The following PCDHGA7 variants were observed in gnomAD, a reference collection of about 807,000 sequenced individuals.
PCDHGA7 encodes the protein protocadherin gamma-A7.
Under a neutral mutation model 58.3 loss-of-function variants are expected in PCDHGA7, and 44 were observed. The observed-to-expected ratio is 0.75, with a 90% CI of 0.59 to 0.97. PCDHGA7 has a LOEUF of 0.97. Ranked by LOEUF, PCDHGA7 falls within the 50% of genes least tolerant of loss-of-function variation. The pLI is 0.00. For synonymous variants in PCDHGA7, 516 were observed against 504.2 expected (o/e 1.02, Z -0.31); for missense variants, 1,266 against 1,188.7 (o/e 1.06, Z -0.96).
intron 1 of PCDHGA7, 129 bp downstream of exon 1, chr5:141,385,452 G>A: frequency 6.9e-7 from 1 of 1,446,532 alleles, no homozygotes; most frequent in Non-Finnish European, 9.1e-7. Context: ...GAGTTTACCA[G>A]TTTCCTTCAG....
chr5:141,425,576 G>A (rs2096883993), intron 1 of PCDHGA7, among the ~76,000 whole-genome samples: 1 of 152,166 alleles, frequency 6.6e-6, no homozygotes, highest in Non-Finnish European at 1.5e-5. Flanking sequence ...GAAGGGTTTG[G>A]CTAACTTTAT....
intron 1 of PCDHGA7, chr5:141,427,874 G>A: frequency 1.3e-6 from 2 of 1,560,274 alleles, no homozygotes; most frequent in South Asian, 2.2e-5. Flanking sequence ...AGCTCACGAT[G>A]CAGGCCCACG....
intron 1 of PCDHGA7, among the ~76,000 whole-genome samples, chr5:141,471,107 G>T (rs1023848236): frequency 1.3e-5 from 2 of 148,554 alleles, no homozygotes; most frequent in East Asian, 2.0e-4. Context: ...AGAGTGCAGT[G>T]GTGCGATCTT....
intron 1 of PCDHGA7, among the ~76,000 whole-genome samples, chr5:141,461,004 T>C (rs2099006736): frequency 6.6e-6 from 1 of 151,664 alleles, no homozygotes; most frequent in Non-Finnish European, 1.5e-5. Context: ...TATGTGTATA[T>C]ATATATACCA....
intron 1 of PCDHGA7, chr5:141,405,569 A>G: frequency 1.7e-6 from 1 of 604,184 alleles, no homozygotes. Context: ...GGACTAGAGT[A>G]GAGTAGCTGG....
chr5:141,407,371 T>C (rs2094921499), intron 1 of PCDHGA7, among the ~76,000 whole-genome samples: 1 of 152,222 alleles, frequency 6.6e-6, no homozygotes, highest in South Asian at 2.1e-4. Context: ...CAGATATCCA[T>C]GAAGGCTTGT....
In PCDHGA7 at chr5:141,489,537, C is replaced by T. The variant is rs2099688580; in HGVS notation, c.2425-5270C>T. 6.2e-6 allele frequency: 10 copies of T among 1,614,118 alleles called. No homozygotes were observed. Among genetic ancestry groups the T allele is most frequent in the Non-Finnish European group, 8.5e-6 (10 of 1,180,028 alleles). ...ACCGAGAAAGCCTATGTGGAGCCAG[C>T]ACCAGCTGCCTGCTGCCAGTGCAGG... On this transcript the variant is annotated intron_variant, in intron 1 of 3. Transcript: ENST00000518325. This position sits in a 1 kb window ranked among gnomAD's most constrained non-coding sequence, Gnocchi z 4.5.
At chr5:141,409,589 G>A (rs1487343349) in intron 1 of PCDHGA7, 12 of 1,613,758 alleles carry the variant, frequency 7.4e-6, no homozygotes, top group East Asian at 4.5e-5. Flanking sequence ...CCACGTGGCC[G>A]AGAACAACCC....
intron 1 of PCDHGA7, among the ~76,000 whole-genome samples, chr5:141,397,819 A>G (rs1159682049): frequency 6.6e-6 from 1 of 152,240 alleles, no homozygotes; most frequent in African/African-American, 2.4e-5. Flanking sequence ...AAAAACAATT[A>G]CTGCACTGGT....
In PCDHGA7 at chr5:141,462,417, A is replaced by G. The variant is rs184240612; in HGVS notation, c.2425-32390A>G. 4.0e-4 allele frequency among the ~76,000 whole-genome samples: 61 copies of G among 152,300 alleles called. 1 individual carries two copies. The highest frequency in any genetic ancestry group is 3.2e-3 in the Admixed American group (49 of 15,300). ...TCTTTTATGGCACAGAATATGGTCT[A>G]TCTTGGTGAGTGTTGCTTACACACA... On this transcript the variant is annotated intron_variant, in intron 1 of 3. Transcript: ENST00000518325.
intron 1 of PCDHGA7, chr5:141,409,119 C>A: frequency 6.2e-7 from 1 of 1,613,928 alleles, no homozygotes; most frequent in Non-Finnish European, 8.5e-7. Flanking sequence ...AATAACCAGT[C>A]ATTTGATTTT....
chr5:141,404,214 C>A, intron 1 of PCDHGA7: 1 of 1,613,562 alleles, frequency 6.2e-7, no homozygotes, highest in Non-Finnish European at 8.5e-7. Flanking sequence ...TATAATATCA[C>A]GGTGACTGCA....
Position 141,477,447 on chromosome 5 carries a change from G to C in PCDHGA7, c.2425-17360G>C, listed in dbSNP as rs779097830. On this transcript the variant is annotated intron_variant, in intron 1 of 3. Coordinates refer to ENST00000518325, the MANE Select transcript of PCDHGA7 (RefSeq NM_018920.4). The surrounding 1 kb of genome is among the most constrained non-coding windows in gnomAD (Gnocchi z 4.9). ...TCCCTCTCAGCCCTTACAATAGTGCGTGTTCAAGTGTCCGACATCAATGAC... is the reference window on the plus strand; with the variant it reads ...TCCCTCTCAGCCCTTACAATAGTGCCTGTTCAAGTGTCCGACATCAATGAC... The C allele has an allele frequency of 1.6e-5, 26 of 1,614,098 alleles. No individual in the cohort carries two copies. Among genetic ancestry groups the C allele is most frequent in the Non-Finnish European group, 2.2e-5 (26 of 1,180,016 alleles).
In PCDHGA7 at chr5:141,512,903, C is replaced by G. The variant is rs2099884492; in HGVS notation, c.*1730C>G. On this transcript the variant is annotated 3_prime_UTR_variant, in exon 4 of 4. Coordinates refer to ENST00000518325, the MANE Select transcript of PCDHGA7 (RefSeq NM_018920.4). ...CCCCACCCTCTTCCTGTGTCTCACG[C>G]AAGTTTTATACTCTAATATTTATAT... 6.6e-6 allele frequency: 1 copy of G among 152,224 alleles called. No homozygotes were observed. Among genetic ancestry groups the G allele is most frequent in the African/African-American group, 2.4e-5 (1 of 41,452 alleles). 9.4% of individuals were successfully genotyped at this position (152,224 alleles called of 1,614,324 possible).
intron 1 of PCDHGA7, among the ~76,000 whole-genome samples, chr5:141,455,408 G>A (rs1024760282): frequency 6.6e-6 from 1 of 152,150 alleles, no homozygotes; most frequent in Non-Finnish European, 1.5e-5. Context: ...TACAGAGACA[G>A]AGGGAGCGGG....
intron 1 of PCDHGA7, chr5:141,389,614 C>T: frequency 1.2e-6 from 2 of 1,613,064 alleles, no homozygotes; most frequent in Non-Finnish European, 1.7e-6. Context: ...GATATGGTGC[C>T]GCACGCTGCA....
intron 1 of PCDHGA7, chr5:141,403,541 G>A (rs1332209242): frequency 6.2e-7 from 1 of 1,614,016 alleles, no homozygotes. Context: ...GCTGGTGCTG[G>A]AGCGCGCCCT....
In PCDHGA7 at chr5:141,408,733, T is replaced by C. The variant is rs753545231; in HGVS notation, c.2424+23410T>C. The C allele has an allele frequency of 7.5e-6, 12 of 1,610,158 alleles. No individual in the cohort carries two copies. The South Asian group carries it at 1.3e-4, about 18-fold the overall frequency. Reference sequence around the variant, plus strand: ...ATTATAAGATAAACTCTAATCCTTATTTTTCATTAATGGTTAGAGTTAATT... The same window carrying C: ...ATTATAAGATAAACTCTAATCCTTACTTTTCATTAATGGTTAGAGTTAATT... On this transcript the variant is annotated intron_variant, in intron 1 of 3. Transcript: ENST00000518325.
intron 3 of PCDHGA7, among the ~76,000 whole-genome samples, chr5:141,510,373 T>TC (rs112437269): frequency 0.25 from 37,727 of 151,394 alleles, 4,765 homozygotes; most frequent in Admixed American, 0.33. Context: ...GAATCTCTAC[T>TC]CGTGCCAGGC....
Sources: allele counts gnomAD v4.1 joint callset (sites outside exome capture counted in the v4.1 genomes callset), GRCh38; gene constraint gnomAD v4.1.1; non-coding constraint Gnocchi (gnomAD v3.1); transcripts MANE v1.5; gene names NCBI Gene and HGNC (gene_info 2026-07-23, HGNC 2026-07-21).